The following GALNT13 variants were observed in gnomAD, a reference collection of about 807,000 sequenced individuals.
The protein encoded by GALNT13 is UDP-GalNAc:polypeptide N-acetylgalactosaminyltransferase 13.
Under a neutral mutation model 64.2 loss-of-function variants are expected in GALNT13, and 28 were observed. That is an observed-to-expected ratio of 0.44 (90% CI 0.32 to 0.60). The LOEUF (loss-of-function observed/expected upper bound fraction) is 0.60. GALNT13 is among the 20% of genes least tolerant of loss of function. The pLI is 0.05. For missense variants in GALNT13, 577 were observed against 669.8 expected (o/e 0.86, Z 1.53); for synonymous variants, 214 against 224.6 (o/e 0.95, Z 0.42).
the GALNT13 span, among the ~76,000 whole-genome samples, chr2:153,111,624 T>C: frequency 1.3e-5 from 2 of 152,164 alleles, no homozygotes; most frequent in African/African-American, 4.8e-5. Context: ...CTCAGCTCAA[T>C]TTGGGTACAG....
At chr2:153,519,649 AAAAG>A in the GALNT13 span, among the ~76,000 whole-genome samples, 1 of 152,182 alleles carries the variant, frequency 6.6e-6, no homozygotes, top group Admixed American at 6.5e-5. Context: ...CTTTTGCTAT[AAAAG>A]ATAGAGCAAT....
In GALNT13 at chr2:154,402,247, C is replaced by A. The variant is rs563401032; in HGVS notation, c.1296+6117C>A. On this transcript the variant is annotated intron_variant, in intron 10 of 12. Transcript: ENST00000392825. ...AAAACGGAAAGATTGGTGGTGGGGG[C>A]GTGGGCAGTATATATCTCTCTCTTT... Among the ~76,000 whole-genome samples the A allele has an allele frequency of 4.3e-4, 65 of 152,136 alleles. 1 individual carries two copies. The highest frequency in any genetic ancestry group is 1.4e-3 in the African/African-American group (59 of 41,512).
At chr2:153,870,444 A>T (rs1188442490), upstream of GALNT13, among the ~76,000 whole-genome samples, 3 of 152,038 alleles carry the variant, frequency 2.0e-5, no homozygotes, top group African/African-American at 7.2e-5. Flanking sequence ...AGTTTTTCTC[A>T]GTATGCCATG....
chr2:154,238,839 G>T (rs764132446), intron 4 of GALNT13, among the ~76,000 whole-genome samples: 4 of 151,950 alleles, frequency 2.6e-5, no homozygotes, highest in Non-Finnish European at 5.9e-5. Context: ...TTTTTTTGAT[G>T]TGGTGAGAAC....
At chr2:154,446,663 T>C (rs1481454291) in intron 12 of GALNT13, 14 of 1,548,660 alleles carry the variant, frequency 9.0e-6, no homozygotes, top group Admixed American at 3.9e-5. Flanking sequence ...CCTGTAATGA[T>C]AGCACTTTGC....
At chr2:153,087,006 C>A in the GALNT13 span, among the ~76,000 whole-genome samples, 1 of 152,114 alleles carries the variant, frequency 6.6e-6, no homozygotes, top group East Asian at 1.9e-4. Flanking sequence ...CTGGCTAGAA[C>A]TTCTGTACTA....
chr2:153,732,150 T>C, the GALNT13 span, among the ~76,000 whole-genome samples: 2 of 152,026 alleles, frequency 1.3e-5, no homozygotes, highest in African/African-American at 4.8e-5. Context: ...TTAGGTTATA[T>C]GTAAATTTAG....
At chr2:153,069,577 G>A in the GALNT13 span, among the ~76,000 whole-genome samples, 2 of 152,106 alleles carry the variant, frequency 1.3e-5, no homozygotes, top group African/African-American at 2.4e-5. Flanking sequence ...CTATGCCACA[G>A]AGAAAAAGTG....
rs1200984794 is a variant in GALNT13 at position 154,298,748 on chromosome 2, A to AT, written c.976-2660dup. On this transcript the variant is annotated intron_variant, in intron 8 of 12. Transcript: ENST00000392825. The stretch of plus-strand genomic sequence containing the variant: ...TATTATTTATATATAGTATATATAA[A>AT]TATATATACTATATATAAATTATAT... Among the ~76,000 whole-genome samples, 8 of 78,784 alleles carry AT rather than the reference A, an allele frequency of 1.0e-4. 2 individuals carry two copies. Among genetic ancestry groups the AT allele is most frequent in the Admixed American group, 1.8e-4 (1 of 5,472 alleles). 51.7% of individuals were successfully genotyped at this position (78,784 alleles called of 152,430 possible). A position where few individuals can be genotyped will look rare whatever the true frequency, so the allele number is the denominator to read the frequency against.
At chr2:154,401,456 G>T (rs1447941211) in intron 10 of GALNT13, among the ~76,000 whole-genome samples, 1 of 152,086 alleles carries the variant, frequency 6.6e-6, no homozygotes, top group Non-Finnish European at 1.5e-5. Context: ...GGACTCAGTA[G>T]CTAATTTTTA....
At chr2:153,204,604 G>A in the GALNT13 span, among the ~76,000 whole-genome samples, 4 of 152,132 alleles carry the variant, frequency 2.6e-5, no homozygotes, top group African/African-American at 9.7e-5. Flanking sequence ...CATGCCTAAG[G>A]CCTTTTTCCT....
chr2:154,129,380 T>G (rs1281307454), intron 3 of GALNT13, among the ~76,000 whole-genome samples: 4 of 152,204 alleles, frequency 2.6e-5, no homozygotes, highest in African/African-American at 9.6e-5. Flanking sequence ...CTTGATATTG[T>G]GCCAGTAATA....
chr2:153,770,487 G>C, the GALNT13 span, among the ~76,000 whole-genome samples: 1 of 152,178 alleles, frequency 6.6e-6, no homozygotes, highest in South Asian at 2.1e-4. Context: ...AGCTTATCTT[G>C]CTACCCAGTG....
the GALNT13 span, among the ~76,000 whole-genome samples, chr2:153,461,533 T>A: frequency 6.6e-6 from 1 of 152,024 alleles, no homozygotes; most frequent in Non-Finnish European, 1.5e-5. Context: ...CCTCTCCGGA[T>A]AAGAAATAGT....
the GALNT13 span, among the ~76,000 whole-genome samples, chr2:153,795,870 C>T: frequency 6.6e-6 from 1 of 152,210 alleles, no homozygotes; most frequent in Non-Finnish European, 1.5e-5. Flanking sequence ...CAATTATTCA[C>T]TTAAGCTATC....
At chr2:154,086,846 G>A (rs1039694009) in intron 3 of GALNT13, among the ~76,000 whole-genome samples, 3 of 152,120 alleles carry the variant, frequency 2.0e-5, no homozygotes, top group Admixed American at 6.6e-5. Flanking sequence ...TAAAGATGAA[G>A]TGAATTTATA....
chr2:153,765,068 T>C, the GALNT13 span, among the ~76,000 whole-genome samples: 4 of 152,226 alleles, frequency 2.6e-5, no homozygotes, highest in South Asian at 4.1e-4. Context: ...GTAGTCCTCA[T>C]GAAAAATCTT....
chr2:153,780,901 C>A, the GALNT13 span, among the ~76,000 whole-genome samples: 1 of 152,138 alleles, frequency 6.6e-6, no homozygotes, highest in South Asian at 2.1e-4. Flanking sequence ...GACCTACTTA[C>A]AGTTTAATGG....
intron 9 of GALNT13, among the ~76,000 whole-genome samples, chr2:154,329,174 C>T (rs1012257560): frequency 2.6e-5 from 4 of 152,206 alleles, no homozygotes; most frequent in African/African-American, 4.8e-5. Flanking sequence ...GGCGCAATCT[C>T]GGCTCACTAC....
Sources: gnomAD v4.1 joint callset for allele counts (sites outside exome capture counted in the v4.1 genomes callset) on GRCh38, gnomAD v4.1.1 for gene constraint, MANE v1.5 for transcripts, NCBI Gene and HGNC (gene_info 2026-07-23, HGNC 2026-07-21) for gene names.